The following SPECC1 variants were observed in gnomAD, a reference collection of about 807,000 sequenced individuals.
SPECC1 encodes the protein sperm antigen with calponin homology and coiled-coil domains 1.
SPECC1 carries 62 observed loss-of-function variants against 104.1 expected under a neutral mutation model. The ratio of observed to expected loss-of-function variants is 0.60; its 90% confidence interval spans 0.49 to 0.74. The LOEUF (loss-of-function observed/expected upper bound fraction) is 0.74, where lower values mean the gene tolerates loss of function less well. Ranked by LOEUF, SPECC1 falls within the 30% of genes least tolerant of loss-of-function variation. The pLI, the probability that SPECC1 is intolerant of heterozygous loss-of-function variation, is 0.00. For missense variants in SPECC1, 1,306 were observed against 1,310.5 expected (o/e 1.00, Z 0.05); for synonymous variants, 513 against 501.6 (o/e 1.02, Z -0.30).
chr17:20,230,899 G>C (rs1016325083), intron 5 of SPECC1, among the ~76,000 whole-genome samples: 1 of 152,168 alleles, frequency 6.6e-6, no homozygotes, highest in Non-Finnish European at 1.5e-5. Context: ...CAAACTCTCA[G>C]TCCCACTAGA....
At chr17:20,072,747 A>C (rs1351243222) in intron 1 of SPECC1, among the ~76,000 whole-genome samples, 2 of 152,242 alleles carry the variant, frequency 1.3e-5, no homozygotes, top group Admixed American at 6.5e-5. Flanking sequence ...CTGCCATGCA[A>C]GAGCAGACTG....
chr17:20,026,204 C>T (rs73299610), intron 1 of SPECC1, among the ~76,000 whole-genome samples: 22 of 151,196 alleles, frequency 1.5e-4, no homozygotes, highest in Non-Finnish European at 2.7e-4. Context: ...TTTTTGTTGA[C>T]GTAATAATTA....
In SPECC1 at chr17:20,064,062, G is replaced by T. The variant is rs140793303; in HGVS notation, c.-21-32569G>T. 1.6e-3 allele frequency among the ~76,000 whole-genome samples: 242 copies of T among 152,318 alleles called. 1 individual carries two copies. The highest frequency in any genetic ancestry group is 5.7e-3 in the African/African-American group (236 of 41,568). ...GGCTGAGTAAGCAGGGCCAGAGTTG[G>T]CAGAAGGAGGTGATCTTGGGGTTTC... On this transcript the variant is annotated intron_variant, in intron 1 of 14. Coordinates refer to ENST00000395527, the MANE Select transcript of SPECC1 (RefSeq NM_001243439.2).
intron 1 of SPECC1, among the ~76,000 whole-genome samples, chr17:20,083,107 AC>A (rs1256886330): frequency 1.3e-5 from 2 of 152,194 alleles, no homozygotes; most frequent in Non-Finnish European, 2.9e-5. Context: ...GACACAGGTC[AC>A]CTGGGACATT....
chr17:20,306,268 A>G (rs575261961), intron 14 of SPECC1, 186 bp downstream of exon 14: 5 of 527,612 alleles, frequency 9.5e-6, no homozygotes, highest in East Asian at 6.1e-5. Flanking sequence ...GAGATTTTCA[A>G]TCGCATAAGA....
At chr17:20,165,519 C>T (rs780715511) in intron 3 of SPECC1, among the ~76,000 whole-genome samples, 12 of 152,166 alleles carry the variant, frequency 7.9e-5, no homozygotes, top group Non-Finnish European at 1.3e-4. Flanking sequence ...AGTGAACATA[C>T]AGGTACATGT....
intron 2 of SPECC1, among the ~76,000 whole-genome samples, chr17:20,097,212 G>T (rs1597690417): frequency 6.6e-6 from 1 of 152,322 alleles, no homozygotes; most frequent in East Asian, 1.9e-4. Context: ...TCATGAGGGA[G>T]TGCGTTCTCC....
At chr17:20,146,613 G>A (rs1409229126) in intron 3 of SPECC1, among the ~76,000 whole-genome samples, 3 of 152,098 alleles carry the variant, frequency 2.0e-5, no homozygotes, top group Non-Finnish European at 2.9e-5. Context: ...GTTTAGTTTT[G>A]TAAGAAACTG....
intron 1 of SPECC1, among the ~76,000 whole-genome samples, chr17:20,058,582 C>T (rs1184845772): frequency 6.6e-6 from 1 of 152,066 alleles, no homozygotes; most frequent in Non-Finnish European, 1.5e-5. Flanking sequence ...TCGCTGGGGC[C>T]TGGGTGATTG....
intron 3 of SPECC1, among the ~76,000 whole-genome samples, chr17:20,132,712 G>GTTATTTATTTAT (rs56948106): frequency 1.4e-5 from 2 of 144,894 alleles, no homozygotes; most frequent in African/African-American, 2.6e-5. Flanking sequence ...TTTATGTGTA[G>GTTATTTATTTAT]TTATTTATTT....
intron 12 of SPECC1, among the ~76,000 whole-genome samples, chr17:20,260,790 T>A (rs1243189113): frequency 6.6e-6 from 1 of 152,110 alleles, no homozygotes; most frequent in Admixed American, 6.5e-5. Flanking sequence ...GGAATTGATA[T>A]CAACATAGAG....
intron 7 of SPECC1, among the ~76,000 whole-genome samples, chr17:20,245,507 T>C (rs1031200919): frequency 6.6e-6 from 1 of 152,032 alleles, no homozygotes; most frequent in Non-Finnish European, 1.5e-5. Context: ...ATTTCATCTT[T>C]CCAAACTCTG....
chr17:20,137,565 C>T (rs1217247590), intron 3 of SPECC1, among the ~76,000 whole-genome samples: 1 of 152,114 alleles, frequency 6.6e-6, no homozygotes, highest in Non-Finnish European at 1.5e-5. Context: ...TAAAAAAATC[C>T]ACCTGCCTTA....
At chr17:20,277,550 CTTT>C (rs1035596512) in intron 12 of SPECC1, among the ~76,000 whole-genome samples, 1 of 151,934 alleles carries the variant, frequency 6.6e-6, no homozygotes, top group Non-Finnish European at 1.5e-5. Flanking sequence ...TCTGGTTTTT[CTTT>C]TTTTCTTTTT....
chr17:20,027,447 T>G (rs542842142), intron 1 of SPECC1, among the ~76,000 whole-genome samples: 1 of 152,266 alleles, frequency 6.6e-6, no homozygotes, highest in East Asian at 1.9e-4. Flanking sequence ...TATTTTTCCA[T>G]TTTTGTTTTT....
At chr17:20,112,330 A>G (rs538788062) in intron 3 of SPECC1, 1 of 756,854 alleles carries the variant, frequency 1.3e-6, no homozygotes. Flanking sequence ...GATATGTTAG[A>G]AGAAGCAAGA....
chr17:20,100,600 G>A (rs2047900021), intron 2 of SPECC1, among the ~76,000 whole-genome samples: 1 of 152,148 alleles, frequency 6.6e-6, no homozygotes, highest in Admixed American at 6.5e-5. Flanking sequence ...TCCACTGAAA[G>A]TAGAACTGAA....
rs188851501 is a variant in SPECC1 at position 20,190,361 on chromosome 17, C to T, written c.284-13972C>T. ...ATATACAGGGGTTAAAATAATGAAC[C>T]AGGACAAGGAGCTTATTATGAAAAG... On this transcript the variant is annotated intron_variant, in intron 3 of 14. Coordinates refer to ENST00000395527, the MANE Select transcript of SPECC1 (RefSeq NM_001243439.2). 1.3e-3 allele frequency among the ~76,000 whole-genome samples: 195 copies of T among 151,266 alleles called. 1 individual carries two copies. Among genetic ancestry groups the T allele is most frequent in the African/African-American group, 4.5e-3 (187 of 41,204 alleles).
chr17:20,183,571 C>G (rs1175407607), intron 3 of SPECC1, among the ~76,000 whole-genome samples: 1 of 152,160 alleles, frequency 6.6e-6, no homozygotes, highest in Non-Finnish European at 1.5e-5. Flanking sequence ...ACAGATAACT[C>G]AAGTCCCTGA....
Sources: gnomAD v4.1 joint callset for allele counts (sites outside exome capture counted in the v4.1 genomes callset) on GRCh38, gnomAD v4.1.1 for gene constraint, MANE v1.5 for transcripts, NCBI Gene and HGNC (gene_info 2026-07-23, HGNC 2026-07-21) for gene names.